GRSF1: variants seen among roughly 807,000 people sequenced by gnomAD.
GRSF1 encodes G-rich RNA sequence binding factor 1, also known as G-rich sequence factor 1.
GRSF1 carries 50 observed loss-of-function variants against 51.1 expected under a neutral mutation model. That is an observed-to-expected ratio of 0.98 (90% CI 0.78 to 1.24). The LOEUF is 1.24. Among genes scored for constraint, GRSF1 ranks in the 50% most tolerant of loss-of-function variants. The probability of loss-of-function intolerance (pLI) is 0.00; values close to 1 mark genes in which losing one functional copy is unlikely to be tolerated. For missense variants in GRSF1, 700 were observed against 639.7 expected (o/e 1.09, Z -1.02); for synonymous variants, 293 against 253.3 (o/e 1.16, Z -1.49).
At chr4:70,828,315 T>C (rs1277421149) in intron 5 of GRSF1, among the ~76,000 whole-genome samples, 10 of 152,226 alleles carry the variant, frequency 6.6e-5, no homozygotes, top group Admixed American at 6.5e-4. Context: ...TGAGAACAAC[T>C]ATGCTTAAGT....
At chr4:70,834,119 C>G (rs1734096523) in intron 2 of GRSF1, among the ~76,000 whole-genome samples, 1 of 152,070 alleles carries the variant, frequency 6.6e-6, no homozygotes, top group Non-Finnish European at 1.5e-5. Flanking sequence ...ATTAGCCGGG[C>G]ATGGTGATAG....
chr4:70,841,572 G>T (rs1185906954), upstream of GRSF1, among the ~76,000 whole-genome samples: 52 of 152,170 alleles, frequency 3.4e-4, 1 homozygote, highest in Admixed American at 3.4e-3. Flanking sequence ...TTCATAAATT[G>T]TCAACACTTT....
At chr4:70,835,238 T>C (rs1479126185) in intron 2 of GRSF1, among the ~76,000 whole-genome samples, 3 of 150,698 alleles carry the variant, frequency 2.0e-5, no homozygotes, top group East Asian at 2.1e-4. Context: ...GGTCAGGAGA[T>C]TGAGATCATC....
Position 70,823,974 on chromosome 4 carries a change from C to CTTTTTTTTTTTTTTTTTTTTTTTTTTTT in GRSF1, c.*25+319_*25+320insAAAAAAAAAAAAAAAAAAAAAAAAAAAA, listed in dbSNP as rs577909875. ...AAATAATTTCCACAGTTGTATCTCT[C>CTTTTTTTTTTTTTTTTTTTTTTTTTTTT]TCTTTTTTTTTTTTTTTTTTGAGTC... On this transcript the variant is annotated intron_variant, in intron 9 of 9. Transcript: ENST00000254799. Among the ~76,000 whole-genome samples, 10 of 100,932 alleles carry CTTTTTTTTTTTTTTTTTTTTTTTTTTTT rather than the reference C, an allele frequency of 9.9e-5. 5 individuals are homozygous for CTTTTTTTTTTTTTTTTTTTTTTTTTTTT. The highest frequency in any genetic ancestry group is 7.1e-4 in the South Asian group (2 of 2,812). The allele number at this position is 100,932 out of a possible 152,430, so 66.2% of individuals were successfully genotyped here.
At chr4:70,832,708 G>A (rs1412662548) in intron 3 of GRSF1, among the ~76,000 whole-genome samples, 1 of 152,238 alleles carries the variant, frequency 6.6e-6, no homozygotes, top group Non-Finnish European at 1.5e-5. Flanking sequence ...AGAACTTTGG[G>A]AGGCCAAGGC....
rs1332817914 is a variant in GRSF1, at chr4:70,824,357, T to A, written c.1405A>T (p.Ile469Phe). The A allele has an allele frequency of 1.4e-6, 2 of 1,465,930 alleles. No individual in the cohort carries two copies. Among genetic ancestry groups the A allele is most frequent in the Non-Finnish European group, 1.9e-6 (2 of 1,056,686 alleles). The allele number at this position is 1,465,930 out of a possible 1,614,324, so 90.8% of individuals were successfully genotyped here. A position where few individuals can be genotyped will look rare whatever the true frequency, so the allele number is the denominator to read the frequency against. The part of the protein sequence containing the change: ...KDRSHVHHRY[I>F]ELFLNSCPKG... ...GGACATGAATTCAGGAACAGTTCAA[T>A]ATACCTATGATCTGAGGATAATGAG... The change falls in exon 9 of 10, where the codon ATT (isoleucine) becomes TTT (phenylalanine). Residue 469 changes from isoleucine (I) to phenylalanine (F), a missense_variant. Ile to Phe is a conservative substitution (Grantham distance 21). Transcript: ENST00000254799.
In GRSF1 at chr4:70,839,602, G is replaced by A. The variant is rs1056863865; in HGVS notation, c.226C>T (p.Leu76=). ...LQTGPVPPGR[L]AGPPAVATSA... is the part of the protein sequence containing the mutation. ...GTGGCCACAGCGGGAGGCCCCGCCA[G>A]CCTCCCGGGAGGCACAGGCCCGGTC... Residue 76 remains leucine, a synonymous_variant, in exon 1 of 10, where the codon CTG becomes TTG. Coordinates refer to ENST00000254799, the MANE Select transcript of GRSF1 (RefSeq NM_002092.4). The A allele has an allele frequency of 1.4e-6, 2 of 1,409,456 alleles. No individual in the cohort carries two copies. Among genetic ancestry groups the A allele is most frequent in the South Asian group, 1.5e-5 (1 of 66,764 alleles). 87.3% of individuals were successfully genotyped at this position (1,409,456 alleles called of 1,614,324 possible). A position where few individuals can be genotyped will look rare whatever the true frequency, so the allele number is the denominator to read the frequency against.
intron 3 of GRSF1, among the ~76,000 whole-genome samples, 168 bp downstream of exon 3, chr4:70,832,950 C>T (rs1463819891): frequency 6.6e-6 from 1 of 151,742 alleles, no homozygotes; most frequent in African/African-American, 2.4e-5. Context: ...TCCATCCCCC[C>T]CACAAAAAAA....
rs368109269 is a variant in GRSF1, at chr4:70,833,240, T to C, written c.548A>G (p.His183Arg). ...TTTCCCATCTCTGTTTAGGAGAAAA[T>C]GTATTCCATTCTCACCGTTGCGGAT... is the stretch of plus-strand genomic sequence containing the variant. The part of the protein sequence containing the change: ...CRIRNGENGI[H>R]FLLNRDGKRR... The change falls in exon 3 of 10, where the codon CAT (histidine) becomes CGT (arginine). Residue 183 changes from histidine (H) to arginine (R), a missense_variant. Physicochemically the swap from His to Arg is conservative, Grantham distance 29. Transcript: ENST00000254799. 3.7e-6 allele frequency: 6 copies of C among 1,613,780 alleles called. No individual in the cohort carries two copies. The highest frequency in any genetic ancestry group is 2.2e-5 in the East Asian group (1 of 44,894).
rs954230478 is a variant in GRSF1 at position 70,831,680 on chromosome 4, A to G, written c.815-6T>C. ...AATGTCAACTATATTCAGTCCTAGG[A>G]CACCAAGAGATTTTAATGCTACTAG... On this transcript the variant is annotated splice_region_variant and splice_polypyrimidine_tract_variant and intron_variant, in intron 4 of 9. Coordinates refer to ENST00000254799, the MANE Select transcript of GRSF1 (RefSeq NM_002092.4). 1 of 1,602,880 alleles carries G rather than the reference A, an allele frequency of 6.2e-7. No homozygotes were observed. Among genetic ancestry groups the G allele is most frequent in the Non-Finnish European group, 8.5e-7 (1 of 1,176,228 alleles).
At chr4:70,837,677 G>A (rs1163277436) in intron 1 of GRSF1, among the ~76,000 whole-genome samples, 1 of 149,756 alleles carries the variant, frequency 6.7e-6, no homozygotes, top group African/African-American at 2.5e-5. Flanking sequence ...TTTCGCTCTT[G>A]TCGCCCAGAC....
rs2148832360 is a variant in GRSF1, at chr4:70,818,806, A to T, written c.*2081T>A. The T allele has an allele frequency of 6.6e-6, 1 of 152,308 alleles. No homozygotes were observed. The highest frequency in any genetic ancestry group is 6.5e-5 in the Admixed American group (1 of 15,288). The allele number at this position is 152,308 out of a possible 1,614,324, so 9.4% of individuals were successfully genotyped here. A position where few individuals can be genotyped will look rare whatever the true frequency, so the allele number is the denominator to read the frequency against. ...GGAAGTTATAGACACAAGGAACCCA[A>T]ACAGAAGGAAATTCACCATCACTGC... is the stretch of plus-strand genomic sequence containing the variant. On this transcript the variant is annotated 3_prime_UTR_variant, in exon 10 of 10. Coordinates refer to ENST00000254799, the MANE Select transcript of GRSF1 (RefSeq NM_002092.4).
At chr4:70,824,459 A>AG (rs1733653409) in intron 8 of GRSF1, 91 bp from the exon 9 acceptor site, 1 of 703,186 alleles carries the variant, frequency 1.4e-6, no homozygotes, top group African/African-American at 1.8e-5. Context: ...AGCAACTCAA[A>AG]CCCTTTGCCC....
In GRSF1 at chr4:70,833,132, T is replaced by C; in HGVS notation, c.656A>G (p.Gln219Arg). Reference sequence around the variant, plus strand: ...ACTTCACATACCTTCCACATACCGCTGGCCCATGTACATGCGGTGCTTCTC... The same window carrying C: ...ACTTCACATACCTTCCACATACCGCCGGCCCATGTACATGCGGTGCTTCTC... ...ALEKHRMYMG[Q>R]RYVEVYEINN... is the part of the protein sequence containing the mutation. The change falls in exon 3 of 10, where the codon CAG becomes CGG. Residue 219 changes from glutamine (Q) to arginine (R), a missense_variant. Physicochemically the swap from Gln to Arg is conservative, Grantham distance 43 (BLOSUM62 1). Transcript: ENST00000254799. The C allele has an allele frequency of 6.2e-7, 1 of 1,613,904 alleles. No homozygotes were observed. The highest frequency in any genetic ancestry group is 1.1e-5 in the South Asian group (1 of 91,066).
At chr4:70,842,092 G>C (rs1207931655), upstream of GRSF1, among the ~76,000 whole-genome samples, 1 of 152,214 alleles carries the variant, frequency 6.6e-6, no homozygotes, top group Admixed American at 6.5e-5. Flanking sequence ...CTGGCTAGAG[G>C]CTAGGCCCAG....
At position 70,836,238 on chromosome 4, in the gene GRSF1, T is replaced by A; in HGVS notation, c.434A>T (p.Glu145Val). 1 of 1,610,644 alleles carries A rather than the reference T, an allele frequency of 6.2e-7. No individual in the cohort carries two copies. ...YELAPSKLEE[E>V]VDDVFLIRAQ... is the part of the protein sequence containing the mutation. The stretch of plus-strand genomic sequence containing the variant: ...TCGAATGAGAAAGACATCATCCACT[T>A]CCTCTTCTAACTTGGACGGGGCCAA... The change falls in exon 2 of 10, where the codon GAA becomes GTA. Residue 145 changes from glutamate to valine, a missense_variant. Coordinates refer to ENST00000254799, the MANE Select transcript of GRSF1 (RefSeq NM_002092.4).
At chr4:70,831,910 GTTT>G (rs5859242) in intron 4 of GRSF1, among the ~76,000 whole-genome samples, 15 of 129,632 alleles carry the variant, frequency 1.2e-4, no homozygotes, top group Non-Finnish European at 1.5e-4. Flanking sequence ...CTCCCCACCA[GTTT>G]TTTTTTTTTT....
intron 9 of GRSF1, among the ~76,000 whole-genome samples, chr4:70,823,247 A>ATT (rs1733593156): frequency 6.6e-6 from 1 of 151,816 alleles, no homozygotes. Flanking sequence ...AAATACAAAA[A>ATT]TTAGCTGGGC....
chr4:70,816,342 A>AG lies in GRSF1; in HGVS notation c.*4544_*4545insC, dbSNP rs1733305114. On this transcript the variant is annotated 3_prime_UTR_variant, in exon 10 of 10. Coordinates refer to ENST00000254799, the MANE Select transcript of GRSF1 (RefSeq NM_002092.4). The stretch of plus-strand genomic sequence containing the variant: ...TCTAGCCTGGGCGATACAAGACTCC[A>AG]TCTCAAAAAAAAAAAAAAAAAAAGA... The AG allele has an allele frequency of 1.3e-5, 1 of 74,422 alleles. No individual in the cohort carries two copies. Among genetic ancestry groups the AG allele is most frequent in the Admixed American group, 1.7e-4 (1 of 5,950 alleles). 4.6% of individuals were successfully genotyped at this position (74,422 alleles called of 1,614,324 possible).
Sources: gnomAD v4.1 joint callset for allele counts (sites outside exome capture counted in the v4.1 genomes callset) on GRCh38, gnomAD v4.1.1 for gene constraint, MANE v1.5 for transcripts, NCBI Gene and HGNC (gene_info 2026-07-23, HGNC 2026-07-21) for gene names.